LRRC28: variants seen among roughly 807,000 people sequenced by gnomAD.
LRRC28 encodes leucine-rich repeat-containing protein 28.
A neutral mutation model predicts 45.7 loss-of-function variants in LRRC28; 39 were observed. The ratio of observed to expected loss-of-function variants is 0.85; its 90% CI spans 0.66 to 1.12. The LOEUF (loss-of-function observed/expected upper bound fraction) is 1.12, where lower values mean the gene tolerates loss of function less well. Ranked by LOEUF, LRRC28 falls within the 50% of genes most tolerant of loss-of-function variation. The pLI, the probability that LRRC28 is intolerant of heterozygous loss-of-function variation, is 0.00. For synonymous variants in LRRC28, 206 were observed against 178.8 expected (o/e 1.15, Z -1.22); for missense variants, 435 against 438.5 (o/e 0.99, Z 0.07).
chr15:99,269,104 GT>G (rs2081406266), intron 2 of LRRC28, among the ~76,000 whole-genome samples: 1 of 151,930 alleles, frequency 6.6e-6, no homozygotes, highest in African/African-American at 2.4e-5. Flanking sequence ...CATTCTGTAA[GT>G]TTTTGCTAAG....
intron 5 of LRRC28, among the ~76,000 whole-genome samples, chr15:99,323,377 A>G (rs1955865570): frequency 6.6e-6 from 1 of 152,212 alleles, no homozygotes; most frequent in Admixed American, 6.5e-5. Context: ...GCTTTTTAAA[A>G]AATGATTTTA....
chr15:99,379,742 C>T (rs1957759425), intron 9 of LRRC28, among the ~76,000 whole-genome samples: 1 of 152,168 alleles, frequency 6.6e-6, no homozygotes, highest in South Asian at 2.1e-4. Context: ...TATGTTGTGT[C>T]TTTGTTCCCA....
intron 6 of LRRC28, among the ~76,000 whole-genome samples, chr15:99,350,620 A>G (rs1352206296): frequency 6.6e-6 from 1 of 152,216 alleles, no homozygotes. Flanking sequence ...TAATGGTTAA[A>G]TGGGTTTTCA....
intron 5 of LRRC28, among the ~76,000 whole-genome samples, chr15:99,329,368 G>A (rs1453941607): frequency 6.6e-6 from 1 of 152,162 alleles, no homozygotes; most frequent in Non-Finnish European, 1.5e-5. Flanking sequence ...AAGTGAAAAT[G>A]CAAGTAAAAA....
chr15:99,358,805 C>T lies in LRRC28; in HGVS notation c.696-2531C>T, dbSNP rs149308199. ...AACATCTACACGTAAAGGCCAGGTG[C>T]GGTGGTTCATACCTGTAATCCCAGC... On this transcript the variant is annotated intron_variant, in intron 7 of 9. Coordinates refer to ENST00000301981, the MANE Select transcript of LRRC28 (RefSeq NM_144598.5). Among the ~76,000 whole-genome samples, 1,446 of 152,178 alleles carry T rather than the reference C, an allele frequency of 9.5e-3. 16 individuals are homozygous for T. Among genetic ancestry groups the T allele is most frequent in the Middle Eastern group, 0.017 (5 of 294 alleles).
intron 6 of LRRC28, 34 bp from the exon 7 acceptor site, chr15:99,352,335 T>C (rs192444767): frequency 1.5e-6 from 2 of 1,377,706 alleles, no homozygotes; most frequent in East Asian, 4.6e-5. Context: ...GGTGCCTGTA[T>C]ATAGGAATTA....
At chr15:99,285,141 G>A (rs761637474) in intron 3 of LRRC28, 20 of 719,678 alleles carry the variant, frequency 2.8e-5, no homozygotes, top group Admixed American at 1.9e-4. Context: ...CAAAATCAAA[G>A]CCCCTTTTCT....
intron 5 of LRRC28, among the ~76,000 whole-genome samples, chr15:99,331,139 C>G (rs1160975736): frequency 6.6e-6 from 1 of 152,078 alleles, no homozygotes; most frequent in Non-Finnish European, 1.5e-5. Flanking sequence ...GTAATTTTTG[C>G]AGCCATGTAA....
intron 6 of LRRC28, among the ~76,000 whole-genome samples, chr15:99,341,730 C>T (rs1956518866): frequency 6.6e-6 from 1 of 152,096 alleles, no homozygotes; most frequent in African/African-American, 2.4e-5. Flanking sequence ...AGAAAAATAG[C>T]AGTATGAGGG....
chr15:99,334,130 G>A lies in LRRC28; in HGVS notation c.592+1G>A, dbSNP rs929714734. 1 of 1,614,062 alleles carries A rather than the reference G, an allele frequency of 6.2e-7. No individual in the cohort carries two copies. Among genetic ancestry groups the A allele is most frequent in the East Asian group, 2.2e-5 (1 of 44,890 alleles). On this transcript the variant is annotated splice_donor_variant, in intron 6 of 9. Transcript: ENST00000301981. LOFTEE classifies it high-confidence loss of function. ...AACCGTCTTGCATTTTTGCCACTTG[G>A]TAAGTGATTGTGTTTAAAGTAAAGC...
chr15:99,256,204 A>G (rs1175046856), intron 2 of LRRC28, 79 bp downstream of exon 2: 26 of 1,164,160 alleles, frequency 2.2e-5, no homozygotes, highest in Non-Finnish European at 3.0e-5. Flanking sequence ...ACCCTAAGGT[A>G]TTCAGACCAA....
intron 1 of LRRC28, chr15:99,251,917 C>T (rs901520049): frequency 6.6e-6 from 1 of 152,206 alleles, no homozygotes; most frequent in Non-Finnish European, 1.5e-5. Flanking sequence ...TAATATGTAG[C>T]TTATAGTTCT....
chr15:99,284,688 G>T, intron 3 of LRRC28: 1 of 515,050 alleles, frequency 1.9e-6, no homozygotes, highest in Non-Finnish European at 3.9e-6. Context: ...TGGTTTCATG[G>T]TTTGGCCAAG....
chr15:99,374,327 A>G (rs1567708162), intron 9 of LRRC28, among the ~76,000 whole-genome samples: 1 of 152,244 alleles, frequency 6.6e-6, no homozygotes, highest in Non-Finnish European at 1.5e-5. Context: ...TCCTAAGTTT[A>G]TATCAAAATA....
intron 9 of LRRC28, among the ~76,000 whole-genome samples, chr15:99,364,486 C>G (rs1487947068): frequency 6.6e-6 from 1 of 152,170 alleles, no homozygotes; most frequent in Non-Finnish European, 1.5e-5. Context: ...TAATTTGCTA[C>G]TTCTAAGGTG....
At chr15:99,362,748 T>G (rs963924303) in intron 8 of LRRC28, among the ~76,000 whole-genome samples, 2 of 152,228 alleles carry the variant, frequency 1.3e-5, no homozygotes, top group Non-Finnish European at 2.9e-5. Flanking sequence ...AGTCATCAGT[T>G]CCAAAAATTC....
chr15:99,306,039 C>G (rs758055483), intron 5 of LRRC28, among the ~76,000 whole-genome samples: 13 of 152,118 alleles, frequency 8.5e-5, no homozygotes, highest in Non-Finnish European at 1.5e-4. Context: ...TTGGATTTTT[C>G]CCTTTTGTCT....
intron 3 of LRRC28, chr15:99,285,671 T>C: frequency 1.7e-6 from 1 of 594,480 alleles, no homozygotes; most frequent in Admixed American, 2.8e-5. Flanking sequence ...TGATTATATG[T>C]AGATAATATT....
intron 5 of LRRC28, among the ~76,000 whole-genome samples, chr15:99,314,126 C>G (rs1955510238): frequency 6.6e-6 from 1 of 152,126 alleles, no homozygotes; most frequent in African/African-American, 2.4e-5. Flanking sequence ...CCAAAATATT[C>G]TCAAGCCATT....
Sources: allele counts gnomAD v4.1 joint callset (sites outside exome capture counted in the v4.1 genomes callset), GRCh38; gene constraint gnomAD v4.1.1; transcripts MANE v1.5; gene names NCBI Gene and HGNC (gene_info 2026-07-23, HGNC 2026-07-21).